Variants in SDK1 observed in about 807,000 individuals in gnomAD.
SDK1 encodes sidekick cell adhesion molecule 1, also known as protein sidekick-1.
Under a neutral mutation model 245.5 loss-of-function variants are expected in SDK1, and 157 were observed. The observed-to-expected ratio is 0.64, with a 90% CI of 0.56 to 0.73. The LOEUF is 0.73. SDK1 is among the 30% of genes least tolerant of loss of function. The pLI is 0.00. For synonymous variants in SDK1, 1,647 were observed against 1,278.5 expected (o/e 1.29, Z -6.15); for missense variants, 3,583 against 3,002.3 (o/e 1.19, Z -4.52).
intron 1 of SDK1, among the ~76,000 whole-genome samples, chr7:3,394,195 T>A (rs1159636125): frequency 6.6e-6 from 1 of 152,072 alleles, no homozygotes; most frequent in African/African-American, 2.4e-5. Flanking sequence ...CTCCTCTACT[T>A]CTCCCCCGAC....
At chr7:3,475,973 T>C (rs1781336964) in intron 1 of SDK1, 2 of 152,710 alleles carry the variant, frequency 1.3e-5, no homozygotes, top group Admixed American at 1.3e-4. Flanking sequence ...TTTTAAATGC[T>C]GTTTATACTT....
At chr7:3,774,319 G>A (rs1780488900) in intron 4 of SDK1, among the ~76,000 whole-genome samples, 2 of 152,138 alleles carry the variant, frequency 1.3e-5, no homozygotes, top group Admixed American at 1.3e-4. Context: ...AGCAACAGCG[G>A]CCACTGGCCT....
chr7:4,261,104 G>C (rs1350803827), intron 44 of SDK1, among the ~76,000 whole-genome samples: 1 of 152,130 alleles, frequency 6.6e-6, no homozygotes, highest in African/African-American at 2.4e-5. Flanking sequence ...CAAATCCCAG[G>C]AACCTCTGGC....
intron 4 of SDK1, among the ~76,000 whole-genome samples, chr7:3,679,341 T>G (rs987554689): frequency 6.6e-6 from 1 of 151,834 alleles, no homozygotes; most frequent in African/African-American, 2.4e-5. Context: ...CCGAGGCGGG[T>G]GGATCACGAG....
At chr7:3,985,775 T>C (rs987404832) in intron 13 of SDK1, among the ~76,000 whole-genome samples, 18 of 152,342 alleles carry the variant, frequency 1.2e-4, no homozygotes, top group Non-Finnish European at 1.8e-4. Context: ...GAAATATTAG[T>C]ATGCTTATAA....
At chr7:4,222,317 C>CA (rs1208145885) in intron 40 of SDK1, among the ~76,000 whole-genome samples, 2 of 152,090 alleles carry the variant, frequency 1.3e-5, no homozygotes, top group East Asian at 3.9e-4. Context: ...TTTTTTGAGA[C>CA]AGAGTCTCTT....
intron 7 of SDK1, chr7:3,952,250 T>G: frequency 3.0e-6 from 1 of 334,798 alleles, no homozygotes; most frequent in South Asian, 3.2e-5. Flanking sequence ...TCTGTAACTC[T>G]TATTTGGCTA....
At chr7:3,805,694 G>A (rs375526130) in intron 4 of SDK1, among the ~76,000 whole-genome samples, 2 of 152,260 alleles carry the variant, frequency 1.3e-5, no homozygotes, top group East Asian at 1.9e-4. Context: ...AAGAGTAAGT[G>A]AATTAGTGAA....
intron 4 of SDK1, among the ~76,000 whole-genome samples, chr7:3,777,862 T>C (rs1458004723): frequency 3.9e-5 from 6 of 152,230 alleles, no homozygotes; most frequent in Admixed American, 6.5e-5. Flanking sequence ...CTAAAAAATA[T>C]AGGTCAATTA....
At chr7:3,428,572 G>A (rs897530041) in intron 1 of SDK1, among the ~76,000 whole-genome samples, 2 of 152,058 alleles carry the variant, frequency 1.3e-5, no homozygotes, top group Non-Finnish European at 2.9e-5. Context: ...AAATACAAAT[G>A]GATTGTCTTC....
At chr7:3,567,569 C>G (rs746044806) in intron 1 of SDK1, among the ~76,000 whole-genome samples, 2 of 152,204 alleles carry the variant, frequency 1.3e-5, no homozygotes, top group African/African-American at 2.4e-5. Flanking sequence ...CTAGTCATTG[C>G]TAACAGATGA....
chr7:3,799,684 G>T (rs546066614), intron 4 of SDK1, among the ~76,000 whole-genome samples: 1 of 126,048 alleles, frequency 7.9e-6, no homozygotes, highest in African/African-American at 3.0e-5. Context: ...CAGCCTGGGC[G>T]ACAGAGTGAG....
At position 4,193,372 on chromosome 7, in the gene SDK1, T is replaced by TA. The variant is rs1783348443; in HGVS notation, c.5099-12507_5099-12506insA. On this transcript the variant is annotated intron_variant, in intron 35 of 44. Coordinates refer to ENST00000404826, the MANE Select transcript of SDK1 (RefSeq NM_152744.4). Reference sequence around the variant, plus strand: ...AATATATTTATATATATTAAAATATTTATATATATATATATATATATATAT... The same window carrying TA: ...AATATATTTATATATATTAAAATATTATATATATATATATATATATATATAT... 1.1e-4 allele frequency among the ~76,000 whole-genome samples: 11 copies of TA among 103,078 alleles called. 1 individual carries two copies. Among genetic ancestry groups the TA allele is most frequent in the Admixed American group, 5.5e-4 (5 of 9,088 alleles). The allele number at this position is 103,078 out of a possible 152,430, so 67.6% of individuals were successfully genotyped here. A position where few individuals can be genotyped will look rare whatever the true frequency, so the allele number is the denominator to read the frequency against.
intron 32 of SDK1, among the ~76,000 whole-genome samples, chr7:4,173,142 C>T (rs560230681): frequency 8.1e-4 from 123 of 152,214 alleles, no homozygotes; most frequent in Non-Finnish European, 1.5e-3. Flanking sequence ...TGTGCACATC[C>T]GTCCTCTGAC....
intron 4 of SDK1, among the ~76,000 whole-genome samples, chr7:3,789,004 C>T (rs769897555): frequency 6.6e-6 from 1 of 152,214 alleles, no homozygotes; most frequent in Non-Finnish European, 1.5e-5. Context: ...GGCACAAGTG[C>T]CACGGCTGAC....
At chr7:3,346,681 G>T (rs1222792334) in intron 1 of SDK1, among the ~76,000 whole-genome samples, 1 of 127,426 alleles carries the variant, frequency 7.8e-6, no homozygotes, top group Non-Finnish European at 1.6e-5. Context: ...TTTTTTTTTG[G>T]TGTGTGTGTG....
chr7:3,860,902 C>A (rs1458861279), intron 5 of SDK1, among the ~76,000 whole-genome samples: 1 of 152,152 alleles, frequency 6.6e-6, no homozygotes, highest in Non-Finnish European at 1.5e-5. Flanking sequence ...CCCTGTCCCC[C>A]ACTTTTTGCC....
intron 19 of SDK1, among the ~76,000 whole-genome samples, chr7:4,061,639 C>A: frequency 6.6e-6 from 1 of 152,058 alleles, no homozygotes; most frequent in Non-Finnish European, 1.5e-5. Flanking sequence ...TGGGTATATA[C>A]CCAAATGACT....
chr7:3,526,442 T>C (rs1295933152), intron 1 of SDK1, among the ~76,000 whole-genome samples: 1 of 152,204 alleles, frequency 6.6e-6, no homozygotes, highest in Non-Finnish European at 1.5e-5. Flanking sequence ...TGGTTTTAGA[T>C]TGGAATTGTG....
Sources: gnomAD v4.1 joint callset for allele counts (sites outside exome capture counted in the v4.1 genomes callset) on GRCh38, gnomAD v4.1.1 for gene constraint, MANE v1.5 for transcripts, NCBI Gene and HGNC (gene_info 2026-07-23, HGNC 2026-07-21) for gene names.